The following GALNTL6 variants were observed in gnomAD, a reference collection of about 807,000 sequenced individuals.
GALNTL6 encodes the protein polypeptide N-acetylgalactosaminyltransferase like 6, also known as polypeptide N-acetylgalactosaminyltransferase-like 6.
A neutral mutation model predicts 73.7 loss-of-function variants in GALNTL6; 46 were observed. That is an observed-to-expected ratio of 0.62 (90% confidence interval 0.49 to 0.80). The LOEUF is 0.80. Ranked by LOEUF, GALNTL6 falls within the 30% of genes least tolerant of loss-of-function variation. GALNTL6 has a pLI of 0.00. For missense variants in GALNTL6, 604 were observed against 755.0 expected (o/e 0.80, Z 2.34); for synonymous variants, 259 against 263.7 (o/e 0.98, Z 0.17).
At chr4:172,410,635 T>C (rs1000854132) in intron 5 of GALNTL6, among the ~76,000 whole-genome samples, 3 of 152,124 alleles carry the variant, frequency 2.0e-5, no homozygotes, top group Non-Finnish European at 4.4e-5. Context: ...ACCAGAAATG[T>C]AACTATACTT....
At chr4:172,553,151 T>C (rs1157378233) in intron 5 of GALNTL6, among the ~76,000 whole-genome samples, 1 of 152,194 alleles carries the variant, frequency 6.6e-6, no homozygotes, top group African/African-American at 2.4e-5. Context: ...TATTTGGTTT[T>C]CTGGCCTATA....
intron 3 of GALNTL6, among the ~76,000 whole-genome samples, chr4:172,302,486 T>G (rs1197864313): frequency 6.6e-6 from 1 of 152,172 alleles, no homozygotes; most frequent in African/African-American, 2.4e-5. Flanking sequence ...AGACTGGAGC[T>G]GTTCCTATTA....
chr4:172,291,379 C>T (rs932596084), intron 3 of GALNTL6, among the ~76,000 whole-genome samples: 2 of 151,938 alleles, frequency 1.3e-5, no homozygotes, highest in African/African-American at 4.8e-5. Context: ...TCTTTTGATA[C>T]TTTATAAATT....
In GALNTL6 at chr4:172,852,114, G is replaced by A. The variant is rs116127884; in HGVS notation, c.924-30676G>A. ...GGCATTGCCCACTGGTTGGGGACTT[G>A]TCTTAAAGCTACATTTACAGAGCAT... is the stretch of plus-strand genomic sequence containing the variant. On this transcript the variant is annotated intron_variant, in intron 7 of 12. Coordinates refer to ENST00000506823, the MANE Select transcript of GALNTL6 (RefSeq NM_001034845.3). Among the ~76,000 whole-genome samples the A allele has an allele frequency of 5.8e-3, 880 of 152,158 alleles. 12 individuals are homozygous for A. Among genetic ancestry groups the A allele is most frequent in the African/African-American group, 0.02 (830 of 41,548 alleles).
chr4:172,206,778 TTTTGTTTTG>T (rs1736125656), intron 2 of GALNTL6, among the ~76,000 whole-genome samples: 1 of 82,386 alleles, frequency 1.2e-5, no homozygotes, highest in Non-Finnish European at 2.8e-5. Flanking sequence ...GAAACGTGTT[TTTTGTTTTG>T]TTTTGTTTTG....
rs148914291 is a variant in GALNTL6, at chr4:171,988,842, A to G, written c.138+174124A>G. On this transcript the variant is annotated intron_variant, in intron 2 of 12. Coordinates refer to ENST00000506823, the MANE Select transcript of GALNTL6 (RefSeq NM_001034845.3). ...GGTAAGGGGGGCATGATCGGTCGCT[A>G]AGGAGGGAGTAGAGGTGTCTTATAC... Among the ~76,000 whole-genome samples, 1,064 of 152,168 alleles carry G rather than the reference A, an allele frequency of 7.0e-3. 14 individuals are homozygous for G. The highest frequency in any genetic ancestry group is 0.022 in the African/African-American group (930 of 41,506).
At chr4:171,984,696 A>C (rs1740013221) in intron 2 of GALNTL6, among the ~76,000 whole-genome samples, 1 of 152,160 alleles carries the variant, frequency 6.6e-6, no homozygotes, top group African/African-American at 2.4e-5. Flanking sequence ...AAGCAGGGGA[A>C]AGGAGGAAAG....
intron 5 of GALNTL6, among the ~76,000 whole-genome samples, chr4:172,589,958 A>C (rs1285426620): frequency 6.6e-6 from 1 of 152,208 alleles, no homozygotes; most frequent in Admixed American, 6.5e-5. Flanking sequence ...TCTACAGTTA[A>C]TAGAGCAATC....
rs191606284 is a variant in GALNTL6 at position 172,405,888 on chromosome 4, C to T, written c.553+57199C>T. ...TTCATAAACTTTAGTAGGGCATTCA[C>T]GGAAGAGCCCTCTCCCAAGGATATT... On this transcript the variant is annotated intron_variant, in intron 5 of 12. Transcript: ENST00000506823. Among the ~76,000 whole-genome samples, 314 of 152,042 alleles carry T rather than the reference C, an allele frequency of 2.1e-3. 1 individual carries two copies. The highest frequency in any genetic ancestry group is 4.3e-3 in the Admixed American group (66 of 15,214).
chr4:171,894,850 T>C (rs1736865362), intron 2 of GALNTL6, among the ~76,000 whole-genome samples: 1 of 152,146 alleles, frequency 6.6e-6, no homozygotes, highest in Non-Finnish European at 1.5e-5. Flanking sequence ...ACTTTTTTTT[T>C]TCATGGAAAT....
intron 2 of GALNTL6, among the ~76,000 whole-genome samples, chr4:171,975,544 T>A (rs530936673): frequency 2.8e-4 from 42 of 152,170 alleles, no homozygotes; most frequent in African/African-American, 1.0e-3. Context: ...TAGGCTGAAC[T>A]GGGGCTAGTT....
In GALNTL6 at chr4:172,189,900, A is replaced by C. The variant is rs143137917; in HGVS notation, c.139-39756A>C. Among the ~76,000 whole-genome samples, 69 of 152,306 alleles carry C rather than the reference A, an allele frequency of 4.5e-4. No homozygotes were observed. In the East Asian group the frequency reaches 0.013, roughly 29 times the overall value. On this transcript the variant is annotated intron_variant, in intron 2 of 12. Transcript: ENST00000506823. ...ATGGAAATAGAAAATCCAAGCTGCT[A>C]TTCAGCGTATAATCACTATGCAAAT... is the stretch of plus-strand genomic sequence containing the variant.
At chr4:172,819,308 A>T (rs2111017661) in intron 7 of GALNTL6, among the ~76,000 whole-genome samples, 1 of 152,372 alleles carries the variant, frequency 6.6e-6, no homozygotes, top group Non-Finnish European at 1.5e-5. Context: ...AATGTGAGAA[A>T]GTACTGATAA....
chr4:172,488,956 T>C (rs1193581030), intron 5 of GALNTL6, among the ~76,000 whole-genome samples: 1 of 152,148 alleles, frequency 6.6e-6, no homozygotes, highest in East Asian at 1.9e-4. Flanking sequence ...ATATCCCTAA[T>C]GTCCTATCCA....
intron 5 of GALNTL6, among the ~76,000 whole-genome samples, chr4:172,571,111 G>A (rs1387557029): frequency 6.6e-6 from 1 of 152,170 alleles, no homozygotes; most frequent in Non-Finnish European, 1.5e-5. Flanking sequence ...CCACAGACTG[G>A]TATAGGGGTT....
At chr4:171,989,273 G>A (rs1352067480) in intron 2 of GALNTL6, among the ~76,000 whole-genome samples, 2 of 152,160 alleles carry the variant, frequency 1.3e-5, no homozygotes, top group African/African-American at 2.4e-5. Context: ...GGCTTCTGAG[G>A]CGATCCGGCA....
intron 4 of GALNTL6, among the ~76,000 whole-genome samples, chr4:172,316,905 G>A (rs1740579700): frequency 6.6e-6 from 1 of 152,088 alleles, no homozygotes; most frequent in Admixed American, 6.6e-5. Context: ...ATCTCCGCAG[G>A]CAAGCAGGTT....
intron 2 of GALNTL6, among the ~76,000 whole-genome samples, chr4:172,176,958 T>G (rs1281646925): frequency 6.6e-6 from 1 of 152,210 alleles, no homozygotes; most frequent in Admixed American, 6.5e-5. Context: ...GATATATTTC[T>G]ATTTCTTATC....
chr4:172,817,212 G>T (rs1450422075), intron 7 of GALNTL6, among the ~76,000 whole-genome samples: 1 of 151,682 alleles, frequency 6.6e-6, no homozygotes, highest in Non-Finnish European at 1.5e-5. Context: ...GATTGCTTGA[G>T]CCCAGGAGTT....
Sources: allele counts gnomAD v4.1 joint callset (sites outside exome capture counted in the v4.1 genomes callset), GRCh38; gene constraint gnomAD v4.1.1; transcripts MANE v1.5; gene names NCBI Gene and HGNC (gene_info 2026-07-23, HGNC 2026-07-21).